The following SYN2 variants were observed in gnomAD, a reference collection of about 807,000 sequenced individuals.
SYN2 encodes the protein synapsin II.
A neutral mutation model predicts 50.9 loss-of-function variants in SYN2; 19 were observed. The ratio of observed to expected loss-of-function variants is 0.37; its 90% CI spans 0.26 to 0.55. The LOEUF is 0.55. Among genes scored for constraint, SYN2 ranks in the 20% least tolerant of loss-of-function variants. SYN2 has a pLI of 0.81. For synonymous variants in SYN2, 255 were observed against 224.9 expected (o/e 1.13, Z -1.20); for missense variants, 587 against 576.4 (o/e 1.02, Z -0.19).
chr3:12,124,876 C>T lies in SYN2; in HGVS notation c.378-15775C>T, dbSNP rs138500420. Among the ~76,000 whole-genome samples the T allele has an allele frequency of 1.9e-3, 294 of 152,176 alleles. 3 individuals are homozygous for T. Among genetic ancestry groups the T allele is most frequent in the East Asian group, 3.1e-3 (16 of 5,184 alleles). ...AGGAATAGGATTGGGGAGGAATATG[C>T]AAGCGATTTCAACAGTGTATATTAA... On this transcript the variant is annotated intron_variant, in intron 1 of 12. Coordinates refer to ENST00000621198, the MANE Select transcript of SYN2 (RefSeq NM_133625.6).
chr3:12,157,511 T>C, intron 5 of SYN2: 2 of 1,608,568 alleles, frequency 1.2e-6, no homozygotes, highest in Non-Finnish European at 1.7e-6. Context: ...GAGGGAACCT[T>C]CAGCAGCTGG....
intron 1 of SYN2, among the ~76,000 whole-genome samples, chr3:12,066,428 G>A (rs1199217790): frequency 6.6e-6 from 1 of 152,168 alleles, no homozygotes; most frequent in African/African-American, 2.4e-5. Context: ...TTTGGAGGCA[G>A]TTGTTTTAGA....
intron 1 of SYN2, among the ~76,000 whole-genome samples, chr3:12,020,058 A>G (rs910565337): frequency 6.6e-6 from 1 of 152,182 alleles, no homozygotes; most frequent in African/African-American, 2.4e-5. Context: ...TAATTTAAAG[A>G]TCGTCTCCTT....
Position 12,004,429 on chromosome 3 carries a change from A to G in SYN2, c.-123A>G. On this transcript the variant is annotated 5_prime_UTR_variant, in exon 1 of 13. Transcript: ENST00000621198. ...CTGCGGGGTCTGGTGCCGGGGCCTG[A>G]GTCTCTGCTGGCTAAGCCGCCGCCT... is the stretch of plus-strand genomic sequence containing the variant. The G allele has an allele frequency of 8.2e-6, 2 of 243,350 alleles. No individual in the cohort carries two copies. Among genetic ancestry groups the G allele is most frequent in the Non-Finnish European group, 1.6e-5 (2 of 122,828 alleles). The allele number at this position is 243,350 out of a possible 1,614,324, so 15.1% of individuals were successfully genotyped here.
intron 1 of SYN2, among the ~76,000 whole-genome samples, chr3:12,086,720 A>C (rs1392192080): frequency 6.6e-6 from 1 of 152,216 alleles, no homozygotes; most frequent in East Asian, 1.9e-4. Flanking sequence ...GCAGTTCAAT[A>C]CAATAAAGGC....
rs185255150 is a variant in SYN2 at position 12,154,387 on chromosome 3, G to A, written c.774+3061G>A. 6.4e-5 allele frequency: 104 copies of A among 1,614,196 alleles called. No homozygotes were observed. The Admixed American group carries it at 1.7e-3, about 27-fold the overall frequency. On this transcript the variant is annotated intron_variant, in intron 5 of 12. Coordinates refer to ENST00000621198, the MANE Select transcript of SYN2 (RefSeq NM_133625.6). Reference sequence around the variant, plus strand: ...GACTTTCCCTCTGCACCAAGGACAGGTCCTCCCAGGGCTCGATGTAGTTGC... The same window carrying A: ...GACTTTCCCTCTGCACCAAGGACAGATCCTCCCAGGGCTCGATGTAGTTGC...
At chr3:12,089,163 A>G (rs111716661) in intron 1 of SYN2, among the ~76,000 whole-genome samples, 58 of 152,352 alleles carry the variant, frequency 3.8e-4, no homozygotes, top group African/African-American at 1.4e-3. Flanking sequence ...TATGTTGCTA[A>G]TAAAGACATA....
intron 9 of SYN2, 61 bp from the exon 10 acceptor site, chr3:12,169,694 GAT>G: frequency 6.3e-7 from 1 of 1,584,942 alleles, no homozygotes; most frequent in Non-Finnish European, 8.6e-7. Flanking sequence ...CATTCTGAAA[GAT>G]TGTACCAGGC....
chr3:12,111,165 CATG>C (rs1696305228), intron 1 of SYN2, among the ~76,000 whole-genome samples: 2 of 152,142 alleles, frequency 1.3e-5, no homozygotes, highest in Admixed American at 1.3e-4. Flanking sequence ...GTGCTGTTCT[CATG>C]ATAGTGAATA....
At chr3:12,055,620 T>G (rs1226841669) in intron 1 of SYN2, among the ~76,000 whole-genome samples, 1 of 152,216 alleles carries the variant, frequency 6.6e-6, no homozygotes, top group Non-Finnish European at 1.5e-5. Context: ...CACCAACTGT[T>G]TGAGGCTTTA....
chr3:12,184,424 T>A (rs899914094), intron 11 of SYN2: 72 of 985,814 alleles, frequency 7.3e-5, no homozygotes, highest in Non-Finnish European at 8.2e-5. Context: ...TGCAGGGAGC[T>A]ACTGAAGGTC....
intron 5 of SYN2, chr3:12,153,705 G>C (rs1697372324): frequency 1.2e-6 from 2 of 1,614,082 alleles, no homozygotes; most frequent in East Asian, 2.2e-5. Context: ...TGTGTAGCAG[G>C]TGGTGATCTA....
At chr3:12,104,848 C>T (rs562136688) in intron 1 of SYN2, among the ~76,000 whole-genome samples, 4 of 151,926 alleles carry the variant, frequency 2.6e-5, no homozygotes, top group South Asian at 2.1e-4. Context: ...AGATTACAGG[C>T]GTGAGCCACC....
chr3:12,043,367 C>T (rs768876271), intron 1 of SYN2, among the ~76,000 whole-genome samples: 1 of 152,020 alleles, frequency 6.6e-6, no homozygotes, highest in Non-Finnish European at 1.5e-5. Flanking sequence ...TTTAAAGCCA[C>T]CAAATTAGTG....
intron 5 of SYN2, chr3:12,154,474 G>A (rs1311127998): frequency 6.2e-7 from 1 of 1,613,192 alleles, no homozygotes; most frequent in African/African-American, 1.3e-5. Flanking sequence ...ATGGAGGAGA[G>A]TCAAGCATCA....
intron 4 of SYN2, among the ~76,000 whole-genome samples, chr3:12,147,016 G>C (rs1697164774): frequency 6.6e-6 from 1 of 152,120 alleles, no homozygotes; most frequent in African/African-American, 2.4e-5. Flanking sequence ...TCCAGACCCT[G>C]CATCTTCCAG....
chr3:12,063,327 A>G (rs1054483688), intron 1 of SYN2, among the ~76,000 whole-genome samples: 2 of 152,058 alleles, frequency 1.3e-5, no homozygotes, highest in Non-Finnish European at 2.9e-5. Flanking sequence ...TGAATGAGGG[A>G]AAAAGGTGCT....
intron 1 of SYN2, among the ~76,000 whole-genome samples, chr3:12,040,882 T>C (rs1694596350): frequency 1.3e-5 from 2 of 152,280 alleles, no homozygotes; most frequent in Middle Eastern, 6.8e-3. Flanking sequence ...TTTGGAGTTA[T>C]TAGGGGAATA....
Position 12,092,233 on chromosome 3 carries a change from G to A in SYN2, c.378-48418G>A, listed in dbSNP as rs563988666. Among the ~76,000 whole-genome samples the A allele has an allele frequency of 2.0e-4, 31 of 152,254 alleles. 1 individual carries two copies. In the Middle Eastern group the frequency reaches 0.014, roughly 67 times the overall value. The stretch of plus-strand genomic sequence containing the variant: ...TTTAATTCCTTCACTATTAAATGGA[G>A]CACCAAACGTTCAAACTTTCCTCGC... On this transcript the variant is annotated intron_variant, in intron 1 of 12. Coordinates refer to ENST00000621198, the MANE Select transcript of SYN2 (RefSeq NM_133625.6).
Sources: allele counts gnomAD v4.1 joint callset (sites outside exome capture counted in the v4.1 genomes callset), GRCh38; gene constraint gnomAD v4.1.1; transcripts MANE v1.5; gene names NCBI Gene and HGNC (gene_info 2026-07-23, HGNC 2026-07-21).